The following DNASE1L3 variants were observed in gnomAD, a reference collection of about 807,000 sequenced individuals.
DNASE1L3 encodes the protein deoxyribonuclease 1L3.
Under a neutral mutation model 30.9 loss-of-function variants are expected in DNASE1L3, and 27 were observed. The observed-to-expected ratio is 0.87, with a 90% CI of 0.64 to 1.20. The LOEUF (loss-of-function observed/expected upper bound fraction) is 1.20, where lower values mean the gene tolerates loss of function less well. DNASE1L3 is among the 50% of genes most tolerant of loss of function. DNASE1L3 has a pLI of 0.00. For missense variants in DNASE1L3, 364 were observed against 378.2 expected, an observed-to-expected ratio of 0.96 and a Z score of 0.31; for synonymous variants, 135 against 138.0, an observed-to-expected ratio of 0.98 and a Z score of 0.15.
chr3:58,205,607 C>T, intron 2 of DNASE1L3, 47 bp from the exon 3 acceptor site: 2 of 1,490,462 alleles, frequency 1.3e-6, no homozygotes, highest in Non-Finnish European at 1.9e-6. Flanking sequence ...TAAACATTCC[C>T]CTACTGTACA....
At chr3:58,194,508 C>T (rs548729486) in intron 6 of DNASE1L3, among the ~76,000 whole-genome samples, 6 of 149,778 alleles carry the variant, frequency 4.0e-5, no homozygotes, top group East Asian at 2.0e-4. Context: ...TTAGTAGAGA[C>T]GGGGTTTATC....
intron 4 of DNASE1L3, among the ~76,000 whole-genome samples, chr3:58,201,968 T>A (rs1282456461): frequency 6.6e-6 from 1 of 152,224 alleles, no homozygotes; most frequent in Non-Finnish European, 1.5e-5. Context: ...ACATTTTACT[T>A]ATAACAACTG....
chr3:58,205,275 G>A lies in DNASE1L3; in HGVS notation c.320+196C>T, dbSNP rs527483213. ...ACCATGGAGCCAACCAACAAATTAG[G>A]TGTTTGGAGACCCCTTGTGTTTTCA... On this transcript the variant is annotated intron_variant, in intron 3 of 7. Transcript: ENST00000394549. Among the ~76,000 whole-genome samples the A allele has an allele frequency of 2.6e-5, 4 of 152,318 alleles. No individual in the cohort carries two copies. In the South Asian group the frequency reaches 6.2e-4, roughly 24 times the overall value.
chr3:58,209,250 G>A (rs946266695), intron 1 of DNASE1L3, among the ~76,000 whole-genome samples: 1 of 152,152 alleles, frequency 6.6e-6, no homozygotes, highest in African/African-American at 2.4e-5. Flanking sequence ...GCCTTGACAA[G>A]GACTTCGGAC....
rs2097405338 is a variant in DNASE1L3, at chr3:58,208,232, C to T, written c.216G>A (p.Met72Ile). 1 of 1,613,946 alleles carries T rather than the reference C, an allele frequency of 6.2e-7. No homozygotes were observed. The highest frequency in any genetic ancestry group is 1.7e-5 in the Admixed American group (1 of 60,000). The stretch of plus-strand genomic sequence containing the variant: ...CCCCATGTTACCTGTTCAGCTTCTC[C>T]ATCAGTATGGGGCAGATCCTGTTGT... Reference protein sequence around the residue: ...DSNNRICPILMEKLNRNSRRG... With the variant: ...DSNNRICPILIEKLNRNSRRG... The change falls in exon 2 of 8, where the codon ATG (methionine) becomes ATA (isoleucine). Residue 72 changes from methionine to isoleucine, a missense_variant. Coordinates refer to ENST00000394549, the MANE Select transcript of DNASE1L3 (RefSeq NM_004944.4).
rs1262332046 is a variant in DNASE1L3 at position 58,208,276 on chromosome 3, T to C, written c.172A>G (p.Met58Val). 6.2e-7 allele frequency: 1 copy of C among 1,614,226 alleles called. No individual in the cohort carries two copies. Among genetic ancestry groups the C allele is most frequent in the East Asian group, 2.2e-5 (1 of 44,890 alleles). ...CTGTTGTTGCTGTCCTTGATTTCCA[T>C]CACGAGTATGATGTCACAGCGTTTG... The part of the protein sequence containing the change: ...VIKRCDIILV[M>V]EIKDSNNRIC... The change falls in exon 2 of 8, where the codon ATG becomes GTG. Residue 58 changes from methionine (M) to valine (V), a missense_variant. Physicochemically the swap from Met to Val is conservative, Grantham distance 21. Coordinates refer to ENST00000394549, the MANE Select transcript of DNASE1L3 (RefSeq NM_004944.4).
chr3:58,207,461 A>C (rs2097404874), intron 2 of DNASE1L3, among the ~76,000 whole-genome samples: 1 of 77,750 alleles, frequency 1.3e-5, no homozygotes, highest in Admixed American at 1.4e-4. Flanking sequence ...CCCCCACCAG[A>C]AGTAACCACT....
In DNASE1L3 at chr3:58,205,454, G is replaced by T. The variant is rs376951611; in HGVS notation, c.320+17C>A. The T allele has an allele frequency of 5.7e-6, 9 of 1,592,920 alleles. No homozygotes were observed. Among genetic ancestry groups the T allele is most frequent in the Non-Finnish European group, 7.8e-6 (9 of 1,160,738 alleles). On this transcript the variant is annotated intron_variant, in intron 3 of 7. Transcript: ENST00000394549. ...TTTATTGGTGGCCATGTTCCAGGGA[G>T]CATAGGTGATACTTACTTGTAGAGA...
intron 1 of DNASE1L3, 46 bp downstream of exon 1, chr3:58,210,720 G>A: frequency 6.2e-7 from 1 of 1,612,912 alleles, no homozygotes; most frequent in East Asian, 2.2e-5. Context: ...ACAGGAGAGA[G>A]GGTGTGAGGG....
intron 4 of DNASE1L3, among the ~76,000 whole-genome samples, chr3:58,201,517 T>C (rs1323303854): frequency 6.6e-6 from 1 of 152,252 alleles, no homozygotes; most frequent in Non-Finnish European, 1.5e-5. Flanking sequence ...ATGTAGCTGT[T>C]AGACATGCTC....
intron 2 of DNASE1L3, among the ~76,000 whole-genome samples, 174 bp from the exon 3 acceptor site, chr3:58,205,734 G>A (rs1559758713): frequency 6.6e-6 from 1 of 152,252 alleles, no homozygotes; most frequent in Non-Finnish European, 1.5e-5. Context: ...CTGGAATGTG[G>A]CATCTGCCAC....
At chr3:58,205,980 G>C (rs1465079670) in intron 2 of DNASE1L3, among the ~76,000 whole-genome samples, 1 of 152,192 alleles carries the variant, frequency 6.6e-6, no homozygotes, top group Non-Finnish European at 1.5e-5. Flanking sequence ...CTTTCTGGTG[G>C]AATAAATGTC....
chr3:58,193,110 T>C, intron 7 of DNASE1L3: 1 of 1,380,434 alleles, frequency 7.2e-7, no homozygotes, highest in Non-Finnish European at 9.3e-7. Flanking sequence ...AGGATCTCAC[T>C]CTGTTGCCCA....
intron 6 of DNASE1L3, among the ~76,000 whole-genome samples, chr3:58,194,891 G>A (rs1179972767): frequency 6.6e-6 from 1 of 151,958 alleles, no homozygotes; most frequent in Admixed American, 6.6e-5. Context: ...GCCTCCCAAA[G>A]TGCTGGGATT....
chr3:58,199,199 T>G (rs4681819), intron 5 of DNASE1L3, among the ~76,000 whole-genome samples: 8,754 of 152,272 alleles, frequency 0.057, 570 homozygotes, highest in East Asian at 0.29. Context: ...AATATAGACA[T>G]GATTTGCTGA....
chr3:58,206,757 G>T (rs1354627516), intron 2 of DNASE1L3, among the ~76,000 whole-genome samples: 1 of 152,126 alleles, frequency 6.6e-6, no homozygotes, highest in Non-Finnish European at 1.5e-5. Flanking sequence ...CCTGACTGGG[G>T]ACACTCCAAG....
At position 58,210,262 on chromosome 3, in the gene DNASE1L3, GAGAA is replaced by G. The variant is rs767825170; in HGVS notation, c.141+500_141+503del. Among the ~76,000 whole-genome samples, 138 of 131,446 alleles carry G rather than the reference GAGAA, an allele frequency of 1.0e-3. 1 individual carries two copies. The highest frequency in any genetic ancestry group is 1.8e-3 in the Non-Finnish European group (108 of 60,458). 86.2% of individuals were successfully genotyped at this position (131,446 alleles called of 152,430 possible). ...AGAAAGAAAAAGAAAGAAAGAAAGA[GAGAA>G]AGAAAGAAAAGAAAGAAAGAAGAAA... On this transcript the variant is annotated intron_variant, in intron 1 of 7. Transcript: ENST00000394549.
At position 58,192,424 on chromosome 3, in the gene DNASE1L3, T is replaced by C. The variant is rs915821873; in HGVS notation, c.*263A>G. ...GTTGAGCAGGGCCAGTGACAGTGGA[T>C]GGGGCTCTGGCTCAGGGCATGAAGA... On this transcript the variant is annotated 3_prime_UTR_variant, in exon 8 of 8. Coordinates refer to ENST00000394549, the MANE Select transcript of DNASE1L3 (RefSeq NM_004944.4). This position sits in a 1 kb window ranked among gnomAD's most constrained non-coding sequence, Gnocchi z 4.8. The C allele has an allele frequency of 4.0e-5, 11 of 275,902 alleles. No individual in the cohort carries two copies. The highest frequency in any genetic ancestry group is 3.4e-4 in the South Asian group (6 of 17,670). The allele number at this position is 275,902 out of a possible 1,614,324, so 17.1% of individuals were successfully genotyped here. A position where few individuals can be genotyped will look rare whatever the true frequency, so the allele number is the denominator to read the frequency against.
At chr3:58,205,393 T>C in intron 3 of DNASE1L3, 78 bp downstream of exon 3, 1 of 1,344,044 alleles carries the variant, frequency 7.4e-7, no homozygotes, top group Non-Finnish European at 1.1e-6. Flanking sequence ...AAATTTGGTT[T>C]TGAAGAAAAG....
Sources: allele counts gnomAD v4.1 joint callset (sites outside exome capture counted in the v4.1 genomes callset), GRCh38; gene constraint gnomAD v4.1.1; non-coding constraint Gnocchi (gnomAD v3.1); transcripts MANE v1.5; gene names NCBI Gene and HGNC (gene_info 2026-07-23, HGNC 2026-07-21).